The following LRP1B variants were observed in gnomAD, a reference collection of about 807,000 sequenced individuals.
LRP1B encodes the protein low-density lipoprotein receptor-related protein 1B.
Under a neutral mutation model 556.6 loss-of-function variants are expected in LRP1B, and 217 were observed. That is an observed-to-expected ratio of 0.39 (90% CI 0.35 to 0.44). LRP1B has a LOEUF of 0.44. LRP1B is among the 20% of genes least tolerant of loss of function. The pLI, the probability that LRP1B is intolerant of heterozygous loss-of-function variation, is 1.00. For synonymous variants in LRP1B, 2,047 were observed against 1,865.8 expected, an observed-to-expected ratio of 1.10 and a Z score of -2.50; for missense variants, 5,053 against 5,620.8, an observed-to-expected ratio of 0.90 and a Z score of 3.23.
At chr2:140,677,155 A>G (rs879681913) in intron 41 of LRP1B, among the ~76,000 whole-genome samples, 5 of 152,212 alleles carry the variant, frequency 3.3e-5, no homozygotes, top group African/African-American at 1.2e-4. Context: ...AAGGAGAAAT[A>G]AATTTTCAGA....
Position 140,885,799 on chromosome 2 carries a change from T to TA in LRP1B, c.3964+338dup, listed in dbSNP as rs3063639. Among the ~76,000 whole-genome samples the TA allele has an allele frequency of 5.4e-3, 782 of 144,748 alleles. 2 individuals carry two copies. The highest frequency in any genetic ancestry group is 9.5e-3 in the Admixed American group (138 of 14,506). The allele number at this position is 144,748 out of a possible 152,430, so 95.0% of individuals were successfully genotyped here. A position where few individuals can be genotyped will look rare whatever the true frequency, so the allele number is the denominator to read the frequency against. ...TTATGTTGAAAGATGGTAGCAAAAT[T>TA]AAAAAAAAAAAAAAAACAAGTTATT... On this transcript the variant is annotated intron_variant, in intron 24 of 90. Coordinates refer to ENST00000389484, the MANE Select transcript of LRP1B (RefSeq NM_018557.3).
At chr2:140,309,247 T>C (rs1170173088) in intron 83 of LRP1B, among the ~76,000 whole-genome samples, 1 of 151,808 alleles carries the variant, frequency 6.6e-6, no homozygotes, top group East Asian at 1.9e-4. Context: ...AAAGAAGAAT[T>C]GTGAGCTTTA....
intron 1 of LRP1B, among the ~76,000 whole-genome samples, chr2:141,924,985 G>A (rs1375786695): frequency 6.6e-6 from 1 of 152,128 alleles, no homozygotes; most frequent in East Asian, 1.9e-4. Context: ...TTTAAAAATA[G>A]GGGATAATTC....
chr2:140,649,148 T>C (rs961324893), intron 41 of LRP1B, among the ~76,000 whole-genome samples: 7 of 152,156 alleles, frequency 4.6e-5, no homozygotes, highest in African/African-American at 1.7e-4. Flanking sequence ...CAGCCAACAC[T>C]ACATATGAGA....
At chr2:140,861,881 T>TTGTGTG (rs764719526) in intron 27 of LRP1B, among the ~76,000 whole-genome samples, 10 of 152,112 alleles carry the variant, frequency 6.6e-5, no homozygotes, top group Admixed American at 2.0e-4. Context: ...ACTGTTCCTT[T>TTGTGTG]TGTGTGTGTG....
At chr2:140,994,947 G>C (rs1449726369) in intron 15 of LRP1B, among the ~76,000 whole-genome samples, 2 of 151,898 alleles carry the variant, frequency 1.3e-5, no homozygotes, top group African/African-American at 4.8e-5. Flanking sequence ...GTATTCTACT[G>C]GGTGAAAGTT....
chr2:140,590,850 C>T (rs1320428669), intron 43 of LRP1B, among the ~76,000 whole-genome samples: 2 of 152,092 alleles, frequency 1.3e-5, no homozygotes, highest in Admixed American at 1.3e-4. Flanking sequence ...ATACATCTAG[C>T]CTGAGAGACA....
chr2:140,362,890 T>C (rs1682581220), intron 72 of LRP1B, among the ~76,000 whole-genome samples: 1 of 151,626 alleles, frequency 6.6e-6, no homozygotes, highest in African/African-American at 2.4e-5. Flanking sequence ...CTCTGTGAGG[T>C]GAGGGTTCGT....
chr2:141,484,637 A>C (rs1174894155), intron 2 of LRP1B, among the ~76,000 whole-genome samples: 8 of 151,880 alleles, frequency 5.3e-5, no homozygotes, highest in Admixed American at 3.9e-4. Flanking sequence ...CTTTTATTTC[A>C]TTGAGCAGTG....
intron 7 of LRP1B, among the ~76,000 whole-genome samples, chr2:141,177,755 A>G (rs970877165): frequency 6.6e-6 from 1 of 152,158 alleles, no homozygotes; most frequent in African/African-American, 2.4e-5. Flanking sequence ...AACTTCTAAT[A>G]TTAGAAACTT....
At chr2:140,575,510 A>C (rs1245289681) in intron 43 of LRP1B, among the ~76,000 whole-genome samples, 2 of 152,168 alleles carry the variant, frequency 1.3e-5, no homozygotes, top group Non-Finnish European at 2.9e-5. Flanking sequence ...TTATGTTCAA[A>C]ATCATCTTAC....
intron 35 of LRP1B, 47 bp downstream of exon 35, chr2:140,769,166 A>G (rs1240572106): frequency 6.5e-7 from 1 of 1,543,554 alleles, no homozygotes; most frequent in East Asian, 2.3e-5. Context: ...TGTTTAATAA[A>G]TCAAGTGAAT....
chr2:140,280,902 A>AT (rs1483566699), intron 84 of LRP1B, among the ~76,000 whole-genome samples: 6 of 151,822 alleles, frequency 4.0e-5, no homozygotes, highest in Non-Finnish European at 8.8e-5. Flanking sequence ...CAATATAAAA[A>AT]TTTTTATAAC....
intron 2 of LRP1B, among the ~76,000 whole-genome samples, chr2:141,609,890 T>C (rs923249732): frequency 6.6e-6 from 1 of 152,224 alleles, no homozygotes; most frequent in African/African-American, 2.4e-5. Context: ...TAATTCACAC[T>C]CAATGATATG....
At chr2:141,156,492 G>A (rs1309112543) in intron 7 of LRP1B, among the ~76,000 whole-genome samples, 1 of 152,018 alleles carries the variant, frequency 6.6e-6, no homozygotes, top group Non-Finnish European at 1.5e-5. Context: ...GACAGGCATG[G>A]TGGTGGGTGC....
At chr2:141,946,252 A>G (rs1303232116) in intron 1 of LRP1B, among the ~76,000 whole-genome samples, 2 of 152,080 alleles carry the variant, frequency 1.3e-5, no homozygotes, top group Admixed American at 6.6e-5. Flanking sequence ...CTTCCACTAT[A>G]GCAGCTCTTT....
At chr2:141,020,230 T>C (rs1698027016) in intron 11 of LRP1B, 128 bp from the exon 12 acceptor site, 1 of 533,566 alleles carries the variant, frequency 1.9e-6, no homozygotes, top group Non-Finnish European at 3.0e-6. Flanking sequence ...ATGAAATCTT[T>C]ATGGTGTAAT....
chr2:140,551,151 T>C (rs187983537), intron 43 of LRP1B, among the ~76,000 whole-genome samples: 7 of 152,304 alleles, frequency 4.6e-5, no homozygotes, highest in South Asian at 2.1e-4. Context: ...ACCCAGTCTA[T>C]GGCATTTTAT....
rs879686506 is a variant in LRP1B, at chr2:140,360,974, T to C, written c.11132-2028A>G. Among the ~76,000 whole-genome samples the C allele has an allele frequency of 3.3e-5, 5 of 151,368 alleles. No homozygotes were observed. In the Admixed American group the frequency reaches 3.3e-4, roughly 10 times the overall value. ...CTTTAATGATTTTTAATCCAATCAC[T>C]ATCATTGCAACAACTCTTCAGCTTT... On this transcript the variant is annotated intron_variant, in intron 72 of 90. Coordinates refer to ENST00000389484, the MANE Select transcript of LRP1B (RefSeq NM_018557.3).
Sources: allele counts gnomAD v4.1 joint callset (sites outside exome capture counted in the v4.1 genomes callset), GRCh38; gene constraint gnomAD v4.1.1; transcripts MANE v1.5; gene names NCBI Gene and HGNC (gene_info 2026-07-23, HGNC 2026-07-21).